Variants in MYOCD observed in about 807,000 individuals in gnomAD.
MYOCD encodes myocardin.
In MYOCD, 32 loss-of-function variants were observed where a neutral mutation model predicts 96.1. The ratio of observed to expected loss-of-function variants is 0.33; its 90% CI spans 0.25 to 0.45. The LOEUF is 0.45. Among genes scored for constraint, MYOCD ranks in the 20% least tolerant of loss-of-function variants. MYOCD has a pLI of 1.00. For synonymous variants in MYOCD, 469 were observed against 469.0 expected, an observed-to-expected ratio of 1.00 and a Z score of 0.00; for missense variants, 1,133 against 1,200.6, an observed-to-expected ratio of 0.94 and a Z score of 0.83.
Position 12,752,497 on chromosome 17 carries a change from C to T in MYOCD, c.1209C>T (p.Pro403=). ...TKTALMDRLR[P]FQDCSGNPVP... ...CGGCTCTCATGGACCGGCTTCGACCCTTCCAGGACTGCTCTGGCAACCCAG... is the reference window on the plus strand; with the variant it reads ...CGGCTCTCATGGACCGGCTTCGACCTTTCCAGGACTGCTCTGGCAACCCAG... Residue 403 remains proline (P), a synonymous_variant, in exon 10 of 14, where the codon CCC becomes CCT. Transcript: ENST00000425538. 5.6e-6 allele frequency: 9 copies of T among 1,614,210 alleles called. No individual in the cohort carries two copies. Among genetic ancestry groups the T allele is most frequent in the Non-Finnish European group, 7.6e-6 (9 of 1,180,044 alleles).
intron 4 of MYOCD, among the ~76,000 whole-genome samples, chr17:12,718,674 A>C (rs542421552): frequency 6.6e-6 from 1 of 152,216 alleles, no homozygotes; most frequent in South Asian, 2.1e-4. Flanking sequence ...AACTCAAGGG[A>C]AGGCTGTGTG....
chr17:12,753,396 G>T (rs2032920128), intron 10 of MYOCD, 50 bp downstream of exon 10: 9 of 1,485,400 alleles, frequency 6.1e-6, no homozygotes, highest in Non-Finnish European at 8.1e-6. Context: ...CTGGAAGTGG[G>T]TTACAAATTT....
Position 12,752,496 on chromosome 17 carries a change from C to A in MYOCD, c.1208C>A (p.Pro403His), listed in dbSNP as rs1371459311. The change falls in exon 10 of 14, where the codon CCC (proline) becomes CAC (histidine). Residue 403 changes from proline (P) to histidine (H), a missense_variant. Coordinates refer to ENST00000425538, the MANE Select transcript of MYOCD (RefSeq NM_001146312.3). ...ACGGCTCTCATGGACCGGCTTCGAC[C>A]CTTCCAGGACTGCTCTGGCAACCCA... The part of the protein sequence containing the change: ...TKTALMDRLR[P>H]FQDCSGNPVP... 2 of 1,614,076 alleles carry A rather than the reference C, an allele frequency of 1.2e-6. No individual in the cohort carries two copies. Among genetic ancestry groups the A allele is most frequent in the Non-Finnish European group, 1.7e-6 (2 of 1,180,044 alleles).
chr17:12,749,483 C>T (rs1167893808), intron 9 of MYOCD, among the ~76,000 whole-genome samples: 4 of 151,008 alleles, frequency 2.6e-5, no homozygotes, highest in East Asian at 2.0e-4. Flanking sequence ...GAGCTGAGAT[C>T]GCACCACTAC....
intron 11 of MYOCD, among the ~76,000 whole-genome samples, chr17:12,757,558 G>A (rs1252056855): frequency 2.0e-5 from 3 of 152,044 alleles, no homozygotes; most frequent in Non-Finnish European, 2.9e-5. Flanking sequence ...GTGCAGTGGC[G>A]CGATCTCGGC....
intron 5 of MYOCD, among the ~76,000 whole-genome samples, chr17:12,726,615 G>A (rs1244612545): frequency 6.6e-6 from 1 of 152,104 alleles, no homozygotes; most frequent in African/African-American, 2.4e-5. Context: ...TATGGAAGGG[G>A]GATCCTGGTT....
rs2033012905 is a variant in MYOCD, at chr17:12,756,430, A to G, written c.2075A>G (p.Asp692Gly). Residue 692 changes from aspartate to glycine, a missense_variant, in exon 11 of 14, where the codon GAT becomes GGT. Coordinates refer to ENST00000425538, the MANE Select transcript of MYOCD (RefSeq NM_001146312.3). Reference sequence around the variant, plus strand: ...CCTTTGCAGAACTCAGGAGCACACGATGGCCATCCTCCAAGCTTCTCTCCC... The same window carrying G: ...CCTTTGCAGAACTCAGGAGCACACGGTGGCCATCCTCCAAGCTTCTCTCCC... ...VCTAQNSGAH[D>G]GHPPSFSPHS... The G allele has an allele frequency of 1.9e-6, 3 of 1,552,168 alleles. No individual in the cohort carries two copies. The East Asian group carries it at 7.3e-5, about 38-fold the overall frequency.
At chr17:12,698,836 C>A (rs187636705) in intron 1 of MYOCD, among the ~76,000 whole-genome samples, 6 of 144,472 alleles carry the variant, frequency 4.2e-5, no homozygotes, top group Admixed American at 2.8e-4. Context: ...TCCGCCTCCC[C>A]GGTTCACGCC....
rs2033256319 is a variant in MYOCD at position 12,763,697 on chromosome 17, G to A, written c.*53G>A. ...GACCAATGGAGTTCCATGGGGGAAAGCACACAGCCATACATACTTTACTGT... is the reference window on the plus strand; with the variant it reads ...GACCAATGGAGTTCCATGGGGGAAAACACACAGCCATACATACTTTACTGT... On this transcript the variant is annotated 3_prime_UTR_variant, in exon 14 of 14. Coordinates refer to ENST00000425538, the MANE Select transcript of MYOCD (RefSeq NM_001146312.3). 3 of 1,469,566 alleles carry A rather than the reference G, an allele frequency of 2.0e-6. No homozygotes were observed. The highest frequency in any genetic ancestry group is 2.8e-6 in the Non-Finnish European group (3 of 1,072,720). 91.0% of individuals were successfully genotyped at this position (1,469,566 alleles called of 1,614,324 possible). A position where few individuals can be genotyped will look rare whatever the true frequency, so the allele number is the denominator to read the frequency against.
At chr17:12,740,085 G>A (rs950079639) in intron 7 of MYOCD, among the ~76,000 whole-genome samples, 3 of 151,928 alleles carry the variant, frequency 2.0e-5, no homozygotes, top group Admixed American at 6.6e-5. Context: ...ACAGGCTCCC[G>A]CCACCATGCC....
At chr17:12,697,960 A>AAATTCC (rs1353457249) in intron 1 of MYOCD, among the ~76,000 whole-genome samples, 1 of 152,196 alleles carries the variant, frequency 6.6e-6, no homozygotes, top group African/African-American at 2.4e-5. Context: ...ACCATATACC[A>AAATTCC]AATTCCGTAT....
At chr17:12,756,695 CAAAAAAAAA>C (rs11307445) in intron 11 of MYOCD, 138 bp downstream of exon 11, 3 of 142,206 alleles carry the variant, frequency 2.1e-5, no homozygotes, top group Non-Finnish European at 1.2e-5. Context: ...GACTGCATCT[CAAAAAAAAA>C]AAAAAAAAAA....
intron 5 of MYOCD, among the ~76,000 whole-genome samples, chr17:12,723,554 C>T (rs765490809): frequency 2.0e-5 from 3 of 152,146 alleles, no homozygotes; most frequent in Admixed American, 6.5e-5. Flanking sequence ...AGTCAAAGGA[C>T]AAATACTCAA....
chr17:12,681,959 A>G (rs1384821295), intron 1 of MYOCD, among the ~76,000 whole-genome samples: 2 of 152,196 alleles, frequency 1.3e-5, no homozygotes, highest in South Asian at 2.1e-4. Context: ...TATCATTGGT[A>G]CCTGGAATCA....
At chr17:12,704,680 C>T (rs549795454) in intron 1 of MYOCD, among the ~76,000 whole-genome samples, 59 of 152,182 alleles carry the variant, frequency 3.9e-4, no homozygotes, top group Non-Finnish European at 1.3e-4. Flanking sequence ...TATTTACAAA[C>T]GAGGAAACTG....
At chr17:12,737,070 C>T (rs1245850023) in intron 6 of MYOCD, among the ~76,000 whole-genome samples, 2 of 152,060 alleles carry the variant, frequency 1.3e-5, no homozygotes, top group African/African-American at 4.8e-5. Flanking sequence ...GCCTGGCCAA[C>T]ACGGTGAAAC....
intron 5 of MYOCD, among the ~76,000 whole-genome samples, chr17:12,729,409 A>G (rs970380686): frequency 6.6e-6 from 1 of 151,982 alleles, no homozygotes; most frequent in Non-Finnish European, 1.5e-5. Context: ...CCTGTGAAGT[A>G]AGGGCTTTGC....
At chr17:12,742,824 C>T (rs1469763848) in intron 7 of MYOCD, among the ~76,000 whole-genome samples, 4 of 151,944 alleles carry the variant, frequency 2.6e-5, no homozygotes, top group Admixed American at 1.3e-4. Context: ...CGCCCACCTC[C>T]GCCTCCCAAA....
intron 11 of MYOCD, 110 bp downstream of exon 11, chr17:12,756,667 GC>G: frequency 1.6e-6 from 1 of 635,556 alleles, no homozygotes; most frequent in Non-Finnish European, 2.3e-6. Flanking sequence ...CTGCACTCCA[GC>G]CCAGGTGACA....
Sources: gnomAD v4.1 joint callset for allele counts (sites outside exome capture counted in the v4.1 genomes callset) on GRCh38, gnomAD v4.1.1 for gene constraint, MANE v1.5 for transcripts, NCBI Gene and HGNC (gene_info 2026-07-23, HGNC 2026-07-21) for gene names.